Variants in PTPRD observed in about 807,000 individuals in gnomAD.
PTPRD encodes the protein receptor-type tyrosine-protein phosphatase delta.
In PTPRD, 34 loss-of-function variants were observed where a neutral mutation model predicts 214.5. That is an observed-to-expected ratio of 0.16 (90% CI 0.12 to 0.21). PTPRD has a LOEUF of 0.21. Ranked by LOEUF, PTPRD falls within the 10% of genes least tolerant of loss-of-function variation. The pLI, the probability that PTPRD is intolerant of heterozygous loss-of-function variation, is 1.00. For missense variants in PTPRD, 2,545 were observed against 2,398.7 expected (o/e 1.06, Z -1.27); for synonymous variants, 1,128 against 845.7 (o/e 1.33, Z -5.79).
chr9:8,705,003 G>C (rs2137348), intron 12 of PTPRD, among the ~76,000 whole-genome samples: 9,130 of 152,024 alleles, frequency 0.06, 906 homozygotes, highest in African/African-American at 0.21. Flanking sequence ...TTGTCCACAA[G>C]TCATAACTGT....
chr9:8,634,853 T>C (rs944525791), intron 13 of PTPRD, among the ~76,000 whole-genome samples: 9 of 151,634 alleles, frequency 5.9e-5, no homozygotes, highest in African/African-American at 1.9e-4. Flanking sequence ...ATCTATCCTC[T>C]TACAACATAC....
intron 3 of PTPRD, among the ~76,000 whole-genome samples, chr9:10,218,191 G>A (rs916060701): frequency 5.3e-5 from 8 of 151,850 alleles, no homozygotes; most frequent in South Asian, 2.1e-4. Context: ...TACGAATAGC[G>A]TCTTAGTAAA....
At chr9:9,451,229 C>T (rs1211126630) in intron 8 of PTPRD, among the ~76,000 whole-genome samples, 3 of 151,608 alleles carry the variant, frequency 2.0e-5, no homozygotes, top group Non-Finnish European at 3.0e-5. Context: ...TAGAAGACAT[C>T]ATGTAAATCT....
intron 11 of PTPRD, among the ~76,000 whole-genome samples, chr9:8,778,239 C>T (rs2095558921): frequency 6.6e-6 from 1 of 152,204 alleles, no homozygotes. Flanking sequence ...TATAACATTT[C>T]ACTACAATGA....
intron 3 of PTPRD, among the ~76,000 whole-genome samples, chr9:10,078,282 G>T (rs1406703955): frequency 6.6e-6 from 1 of 150,734 alleles, no homozygotes. Context: ...GGAGGCTGAG[G>T]TGGGCAGATT....
chr9:9,609,666 T>G (rs1415575291), intron 7 of PTPRD, among the ~76,000 whole-genome samples: 1 of 152,166 alleles, frequency 6.6e-6, no homozygotes, highest in Non-Finnish European at 1.5e-5. Context: ...TTTCCCCATG[T>G]TGGCCAGGCT....
chr9:9,255,513 G>A (rs1251824735), intron 9 of PTPRD, among the ~76,000 whole-genome samples: 1 of 151,926 alleles, frequency 6.6e-6, no homozygotes, highest in African/African-American at 2.4e-5. Context: ...ATCTCACGAT[G>A]CAATTCTAAC....
Position 9,814,080 on chromosome 9 carries a change from T to C in PTPRD, c.-367-47229A>G, listed in dbSNP as rs190034003. ...ATCTCAATAGATGCAGAAAATGAAT[T>C]TGATAAAATTTATTATCTTTCCATG... is the stretch of plus-strand genomic sequence containing the variant. On this transcript the variant is annotated intron_variant, in intron 5 of 45. Transcript: ENST00000381196. 2.4e-3 allele frequency among the ~76,000 whole-genome samples: 370 copies of C among 152,266 alleles called. 1 individual carries two copies. Among genetic ancestry groups the C allele is most frequent in the Non-Finnish European group, 3.8e-3 (260 of 67,998 alleles).
At chr9:9,702,952 C>A (rs952849148) in intron 7 of PTPRD, among the ~76,000 whole-genome samples, 5 of 152,076 alleles carry the variant, frequency 3.3e-5, no homozygotes, top group African/African-American at 1.2e-4. Context: ...ATCCAGAAAG[C>A]CAATCTAATA....
intron 5 of PTPRD, among the ~76,000 whole-genome samples, chr9:9,854,447 T>G (rs1445048352): frequency 6.6e-6 from 1 of 152,048 alleles, no homozygotes; most frequent in African/African-American, 2.4e-5. Context: ...CATATAAAGT[T>G]TGTCAAGGAG....
chr9:9,464,542 A>G (rs2093965909), intron 8 of PTPRD, among the ~76,000 whole-genome samples: 2 of 152,280 alleles, frequency 1.3e-5, no homozygotes, highest in South Asian at 2.1e-4. Context: ...GAAGTCTAAC[A>G]CAGCATGAGA....
chr9:9,743,342 T>C (rs2098423677), intron 6 of PTPRD, among the ~76,000 whole-genome samples: 1 of 152,176 alleles, frequency 6.6e-6, no homozygotes, highest in African/African-American at 2.4e-5. Flanking sequence ...TTTAGATGTA[T>C]TCATTTGGAT....
At chr9:10,197,175 C>G (rs2099401597) in intron 3 of PTPRD, among the ~76,000 whole-genome samples, 1 of 152,078 alleles carries the variant, frequency 6.6e-6, no homozygotes, top group African/African-American at 2.4e-5. Context: ...CACTCTGCAC[C>G]CCCACCCCAC....
chr9:10,210,880 T>G (rs912301031), intron 3 of PTPRD, among the ~76,000 whole-genome samples: 2 of 145,874 alleles, frequency 1.4e-5, no homozygotes, highest in South Asian at 4.3e-4. Flanking sequence ...ACAGCTGTGA[T>G]GTTTCTTTCC....
intron 7 of PTPRD, among the ~76,000 whole-genome samples, chr9:9,640,840 A>G (rs534678385): frequency 3.3e-5 from 5 of 152,348 alleles, no homozygotes; most frequent in African/African-American, 1.2e-4. Context: ...GTTATTGCTA[A>G]GAGGTCATTG....
chr9:8,675,865 G>T (rs1284026043), intron 12 of PTPRD, among the ~76,000 whole-genome samples: 1 of 152,080 alleles, frequency 6.6e-6, no homozygotes, highest in Non-Finnish European at 1.5e-5. Context: ...ACTCTTCATA[G>T]TGAAGTCAGA....
At chr9:10,519,605 T>A (rs1395191042) in intron 2 of PTPRD, among the ~76,000 whole-genome samples, 1 of 152,186 alleles carries the variant, frequency 6.6e-6, no homozygotes, top group Non-Finnish European at 1.5e-5. Flanking sequence ...TTGCATTTTT[T>A]TATAAACTGA....
intron 9 of PTPRD, among the ~76,000 whole-genome samples, chr9:9,227,054 C>G (rs896893208): frequency 9.9e-5 from 15 of 151,820 alleles, no homozygotes; most frequent in Non-Finnish European, 1.5e-5. Flanking sequence ...TCTGTTTACT[C>G]TTATAATACT....
In PTPRD at chr9:8,632,675, G is replaced by A. The variant is rs191122501; in HGVS notation, c.352+642C>T. 8.0e-4 allele frequency among the ~76,000 whole-genome samples: 121 copies of A among 152,088 alleles called. 1 individual carries two copies. Among genetic ancestry groups the A allele is most frequent in the Non-Finnish European group, 1.4e-3 (93 of 67,918 alleles). ...TCATTGTAAAGGAAGTCTACAAACT[G>A]AACACACTGTACTGGAGATCTGGCA... On this transcript the variant is annotated intron_variant, in intron 14 of 45. Transcript: ENST00000381196.
Sources: allele counts gnomAD v4.1 joint callset (sites outside exome capture counted in the v4.1 genomes callset), GRCh38; gene constraint gnomAD v4.1.1; transcripts MANE v1.5; gene names NCBI Gene and HGNC (gene_info 2026-07-23, HGNC 2026-07-21).